Variants in EPHA6 observed in about 807,000 individuals in gnomAD.
EPHA6 encodes the protein EPH receptor A6.
EPHA6 carries 50 observed loss-of-function variants against 112.0 expected under a neutral mutation model. The ratio of observed to expected loss-of-function variants is 0.45; its 90% CI spans 0.36 to 0.56. EPHA6 has a LOEUF of 0.56. Ranked by LOEUF, EPHA6 falls within the 20% of genes least tolerant of loss-of-function variation. EPHA6 has a pLI of 0.00. For missense variants in EPHA6, 1,280 were observed against 1,417.4 expected (o/e 0.90, Z 1.56); for synonymous variants, 529 against 490.7 (o/e 1.08, Z -1.03).
chr3:97,560,533 C>T (rs1036341093), intron 11 of EPHA6: 13 of 152,004 alleles, frequency 8.6e-5, no homozygotes, highest in Admixed American at 7.2e-4. Context: ...TTGGACAACA[C>T]AAACATAGAA....
At chr3:97,576,348 C>T (rs548414966) in intron 11 of EPHA6, among the ~76,000 whole-genome samples, 20 of 152,118 alleles carry the variant, frequency 1.3e-4, no homozygotes, top group African/African-American at 4.1e-4. Context: ...ATATTACCAT[C>T]GTGAAAGAAA....
chr3:97,452,464 G>T (rs2090560310), intron 7 of EPHA6, among the ~76,000 whole-genome samples: 1 of 151,638 alleles, frequency 6.6e-6, no homozygotes, highest in Non-Finnish European at 1.5e-5. Context: ...TGTATTTTCT[G>T]ATTTCTCGCT....
chr3:96,967,662 A>G (rs2042173344), intron 2 of EPHA6, among the ~76,000 whole-genome samples: 1 of 151,624 alleles, frequency 6.6e-6, no homozygotes, highest in South Asian at 2.1e-4. Context: ...TCTTTTTAAC[A>G]ACATAGAATT....
At chr3:96,984,413 A>T (rs935708403) in intron 2 of EPHA6, among the ~76,000 whole-genome samples, 1 of 152,140 alleles carries the variant, frequency 6.6e-6, no homozygotes, top group Non-Finnish European at 1.5e-5. Flanking sequence ...TTCCTCTGGA[A>T]GCTTCATCTC....
At chr3:97,745,280 T>C in intron 16 of EPHA6, 1 of 391,130 alleles carries the variant, frequency 2.6e-6, no homozygotes, top group Non-Finnish European at 5.0e-6. Flanking sequence ...TTTGAATAAA[T>C]ACAGCAACAA....
At chr3:97,355,056 G>C (rs909447797) in intron 5 of EPHA6, among the ~76,000 whole-genome samples, 14 of 152,152 alleles carry the variant, frequency 9.2e-5, no homozygotes, top group Admixed American at 4.6e-4. Context: ...AAGATTTTCT[G>C]AGACAAGCAA....
At chr3:97,543,410 T>G (rs1032832393) in intron 11 of EPHA6, among the ~76,000 whole-genome samples, 1 of 152,204 alleles carries the variant, frequency 6.6e-6, no homozygotes, top group Non-Finnish European at 1.5e-5. Flanking sequence ...GCTGTAGATA[T>G]GCAGCATTAT....
rs112659021 is a variant in EPHA6 at position 97,760,337 on chromosome 3, T to G, written c.*11636T>G. The stretch of plus-strand genomic sequence containing the variant: ...GTGCTTGGTGCTTTGTTTCTGGAGA[T>G]ATATATATATATATTATATATATGT... On this transcript the variant is annotated 3_prime_UTR_variant, in exon 18 of 18. Transcript: ENST00000389672. 6,210 of 149,414 alleles carry G rather than the reference T, an allele frequency of 0.042. 140 individuals are homozygous for G. Among genetic ancestry groups the G allele is most frequent in the Non-Finnish European group, 0.057 (4,060 of 70,812 alleles). 9.3% of individuals were successfully genotyped at this position (149,414 alleles called of 1,614,324 possible).
intron 2 of EPHA6, among the ~76,000 whole-genome samples, chr3:96,909,135 T>TA (rs1261097540): frequency 1.3e-5 from 2 of 151,980 alleles, no homozygotes; most frequent in Admixed American, 6.6e-5. Flanking sequence ...CTCCTTATAT[T>TA]AAAAATCATA....
chr3:97,641,347 C>T (rs1313365162), intron 14 of EPHA6, among the ~76,000 whole-genome samples: 1 of 152,124 alleles, frequency 6.6e-6, no homozygotes, highest in Admixed American at 6.5e-5. Flanking sequence ...TAGAAACCTG[C>T]CTACTGAAGA....
intron 6 of EPHA6, among the ~76,000 whole-genome samples, chr3:97,439,146 T>G (rs2090004931): frequency 6.6e-6 from 1 of 152,174 alleles, no homozygotes; most frequent in South Asian, 2.1e-4. Flanking sequence ...ATATTCATTT[T>G]AGGTGAAACA....
At chr3:97,612,233 T>A (rs12490857) in intron 13 of EPHA6, 11,818 of 220,170 alleles carry the variant, frequency 0.054, 1,279 homozygotes, top group East Asian at 0.41. Context: ...ACTTAGTACT[T>A]GAAATGCTGT....
At chr3:96,832,461 A>C (rs985474868) in intron 1 of EPHA6, among the ~76,000 whole-genome samples, 1 of 152,096 alleles carries the variant, frequency 6.6e-6, no homozygotes, top group African/African-American at 2.4e-5. Flanking sequence ...CAGTATAGAC[A>C]GTAAGGAAAT....
intron 5 of EPHA6, among the ~76,000 whole-genome samples, chr3:97,259,561 C>T (rs2079429055): frequency 6.6e-6 from 1 of 152,066 alleles, no homozygotes; most frequent in African/African-American, 2.4e-5. Flanking sequence ...TATTGTTTTG[C>T]TCACTCTATC....
intron 5 of EPHA6, among the ~76,000 whole-genome samples, chr3:97,257,006 T>G (rs1195236647): frequency 6.6e-6 from 1 of 151,984 alleles, no homozygotes. Flanking sequence ...GAGATAGTCT[T>G]GAAAGAAGTC....
intron 3 of EPHA6, among the ~76,000 whole-genome samples, chr3:97,202,847 A>G (rs1273249070): frequency 2.0e-5 from 3 of 152,294 alleles, no homozygotes; most frequent in East Asian, 3.9e-4. Context: ...TAAAAAGTAA[A>G]GTAAACAAAG....
At chr3:97,489,579 C>T (rs1038319125) in intron 10 of EPHA6, among the ~76,000 whole-genome samples, 10 of 150,896 alleles carry the variant, frequency 6.6e-5, no homozygotes, top group South Asian at 6.3e-4. Flanking sequence ...CCAGCTACTC[C>T]GGAGGCTGAG....
chr3:97,071,681 T>C (rs111555924), intron 3 of EPHA6, among the ~76,000 whole-genome samples: 4,265 of 152,160 alleles, frequency 0.028, 182 homozygotes, highest in African/African-American at 0.094. Context: ...GGAGATATAA[T>C]TCAAGTTGAG....
chr3:96,829,934 CAT>C (rs1416284412), intron 1 of EPHA6, among the ~76,000 whole-genome samples: 6 of 132,312 alleles, frequency 4.5e-5, no homozygotes, highest in Non-Finnish European at 9.3e-5. Context: ...CATGCACGTG[CAT>C]GTGCGCGCGC....
Sources: allele counts gnomAD v4.1 joint callset (sites outside exome capture counted in the v4.1 genomes callset), GRCh38; gene constraint gnomAD v4.1.1; transcripts MANE v1.5; gene names NCBI Gene and HGNC (gene_info 2026-07-23, HGNC 2026-07-21).